Variants in GDF5 observed in about 807,000 individuals in gnomAD.
The protein encoded by GDF5 is growth/differentiation factor 5.
A neutral mutation model predicts 34.6 loss-of-function variants in GDF5; 17 were observed. The observed-to-expected ratio is 0.49, with a 90% confidence interval of 0.34 to 0.74. The LOEUF (loss-of-function observed/expected upper bound fraction) is 0.74. Ranked by LOEUF, GDF5 falls within the 30% of genes least tolerant of loss-of-function variation. GDF5 has a pLI of 0.01. For missense variants in GDF5, 616 were observed against 661.2 expected (o/e 0.93, Z 0.75); for synonymous variants, 332 against 290.7 (o/e 1.14, Z -1.44).
rs963454708 is a variant in GDF5, at chr20:35,433,785, G to A, written c.*124C>T. ...ACTCAGAGAGCGAGCAAGCTTATTG[G>A]AATCCCCTTTCACCCAAGCTGTGTA... is the stretch of plus-strand genomic sequence containing the variant. On this transcript the variant is annotated 3_prime_UTR_variant, in exon 2 of 2. Coordinates refer to ENST00000374369, the MANE Select transcript of GDF5 (RefSeq NM_000557.5). 2.3e-6 allele frequency: 2 copies of A among 859,940 alleles called. No individual in the cohort carries two copies. The highest frequency in any genetic ancestry group is 3.3e-5 in the African/African-American group (2 of 60,810). 53.3% of individuals were successfully genotyped at this position (859,940 alleles called of 1,614,324 possible). A position where few individuals can be genotyped will look rare whatever the true frequency, so the allele number is the denominator to read the frequency against.
chr20:35,437,822 T>C lies in GDF5; in HGVS notation c.107A>G (p.Gln36Arg). Residue 36 changes from glutamine (Q) to arginine (R), a missense_variant, in exon 1 of 2, where the codon CAG becomes CGG. Transcript: ENST00000374369. ...TTTGGCCAATCCTGGCCTGGTCCCC[T>C]GGGGTCTCTGGCCCAAGTCAGGGGC... The part of the protein sequence containing the change: ...LGAPDLGQRP[Q>R]GTRPGLAKAE... The C allele has an allele frequency of 6.2e-7, 1 of 1,613,784 alleles. No homozygotes were observed. The highest frequency in any genetic ancestry group is 8.5e-7 in the Non-Finnish European group (1 of 1,179,852).
At chr20:35,443,580 C>T (rs575465124) in intron 1 of GDF5, among the ~76,000 whole-genome samples, 15 of 152,110 alleles carry the variant, frequency 9.9e-5, no homozygotes, top group South Asian at 2.1e-4. Flanking sequence ...GGCATGATAT[C>T]GGCTCACTGC....
At chr20:35,451,371 T>C (rs1371328339) in intron 1 of GDF5, among the ~76,000 whole-genome samples, 3 of 151,844 alleles carry the variant, frequency 2.0e-5, no homozygotes, top group Non-Finnish European at 2.9e-5. Context: ...TTTCAACTCA[T>C]CCATTGCCTT....
In GDF5 at chr20:35,438,047, G is replaced by T; in HGVS notation, c.-119C>A. The T allele has an allele frequency of 8.7e-7, 1 of 1,155,470 alleles. No homozygotes were observed. Among genetic ancestry groups the T allele is most frequent in the Non-Finnish European group, 1.3e-6 (1 of 790,968 alleles). 71.6% of individuals were successfully genotyped at this position (1,155,470 alleles called of 1,614,324 possible). A position where few individuals can be genotyped will look rare whatever the true frequency, so the allele number is the denominator to read the frequency against. The stretch of plus-strand genomic sequence containing the variant: ...TTCAAAAGCAGCGGCAGCAGCAGTA[G>T]CAGCAGAAGGAAAGGCTTTCTCCTC... On this transcript the variant is annotated 5_prime_UTR_variant, in exon 1 of 2. Coordinates refer to ENST00000374369, the MANE Select transcript of GDF5 (RefSeq NM_000557.5).
chr20:35,438,549 C>G (rs1385009603), upstream of GDF5, among the ~76,000 whole-genome samples: 1 of 152,168 alleles, frequency 6.6e-6, no homozygotes, highest in Non-Finnish European at 1.5e-5. Flanking sequence ...CACCGCTGCC[C>G]TTTCGAGGCC....
chr20:35,451,050 A>ATATATATATATAT (rs1289781571), intron 1 of GDF5, among the ~76,000 whole-genome samples: 6,531 of 55,928 alleles, frequency 0.12, 1,172 homozygotes, highest in African/African-American at 0.15. Context: ...CAGAAAAAAA[A>ATATATATATATAT]AAAAAAAAAA....
chr20:35,437,212 A>G lies in GDF5; in HGVS notation c.631+86T>C, dbSNP rs1435237940. 4 of 965,236 alleles carry G rather than the reference A, an allele frequency of 4.1e-6. No homozygotes were observed. The African/African-American group carries it at 6.4e-5, about 15-fold the overall frequency. 59.8% of individuals were successfully genotyped at this position (965,236 alleles called of 1,614,324 possible). On this transcript the variant is annotated intron_variant, in intron 1 of 1. Transcript: ENST00000374369. The stretch of plus-strand genomic sequence containing the variant: ...CCAGATGCACACAGTGTCTCCCACC[A>G]GGGCAGTGCCAGGGCTTTGAAAGCC...
chr20:35,453,251 A>G (rs948020207), intron 1 of GDF5, among the ~76,000 whole-genome samples: 4 of 152,190 alleles, frequency 2.6e-5, no homozygotes. Context: ...CCCCGTCTCA[A>G]AAAGAAAAGA....
At chr20:35,443,568 A>G (rs2062504994) in intron 1 of GDF5, among the ~76,000 whole-genome samples, 1 of 151,846 alleles carries the variant, frequency 6.6e-6, no homozygotes, top group African/African-American at 2.4e-5. Context: ...CTGGAGTGCA[A>G]TGGCATGATA....
chr20:35,438,357 T>TCCACACACACACAC, upstream of GDF5: 1 of 89,232 alleles, frequency 1.1e-5, no homozygotes, highest in Non-Finnish European at 2.1e-5. Flanking sequence ...GTGAAAATAC[T>TCCACACACACACAC]TCACACACAC....
chr20:35,434,191 G>C lies in GDF5; in HGVS notation c.1224C>G (p.Asn408Lys), dbSNP rs747431325. ...AGTCGTCCCAGCCCATGTCCTTGAA[G>C]TTGACATGCAGTGCCTTCCGACTGC... ...ARCSRKALHV[N>K]FKDMGWDDWI... The change falls in exon 2 of 2, where the codon AAC becomes AAG. Residue 408 changes from asparagine (N) to lysine (K), a missense_variant. Coordinates refer to ENST00000374369, the MANE Select transcript of GDF5 (RefSeq NM_000557.5). The C allele has an allele frequency of 7.4e-6, 12 of 1,614,230 alleles. No homozygotes were observed. The highest frequency in any genetic ancestry group is 1.0e-5 in the Non-Finnish European group (12 of 1,180,046).
Position 35,434,611 on chromosome 20 carries a change from G to T in GDF5, c.804C>A (p.Cys268Ter). ...AGGCGGCCGGCTGCCGGCCGCTGGG[G>T]CAGCTGGACAGCTTCAGCTGGGCAG... is the stretch of plus-strand genomic sequence containing the variant. The part of the protein sequence containing the change: ...GRAAQLKLSS[C>*]PSGRQPAALL... Residue 268 changes from cysteine (C) to a stop codon, truncating the protein, a stop_gained, in exon 2 of 2, where the codon TGC becomes TGA. Transcript: ENST00000374369. LOFTEE classifies it high-confidence loss of function. 6.3e-7 allele frequency: 1 copy of T among 1,596,120 alleles called. No individual in the cohort carries two copies. The highest frequency in any genetic ancestry group is 8.6e-7 in the Non-Finnish European group (1 of 1,169,060).
chr20:35,438,016 T>C lies in GDF5; in HGVS notation c.-88A>G. On this transcript the variant is annotated 5_prime_UTR_variant, in exon 1 of 2. Transcript: ENST00000374369. ...TTGGCAGGAAAAACCATGAAAGGAG[T>C]GGACTTTCAAAAGCAGCGGCAGCAG... 6.7e-7 allele frequency: 1 copy of C among 1,484,342 alleles called. No individual in the cohort carries two copies. Among genetic ancestry groups the C allele is most frequent in the Non-Finnish European group, 9.3e-7 (1 of 1,076,126 alleles). 91.9% of individuals were successfully genotyped at this position (1,484,342 alleles called of 1,614,324 possible). A position where few individuals can be genotyped will look rare whatever the true frequency, so the allele number is the denominator to read the frequency against.
rs1432115434 is a variant in GDF5 at position 35,436,694 on chromosome 20, T to C, written c.631+604A>G. 3.9e-5 allele frequency among the ~76,000 whole-genome samples: 6 copies of C among 152,162 alleles called. No individual in the cohort carries two copies. In the East Asian group the frequency reaches 1.2e-3, roughly 29 times the overall value. On this transcript the variant is annotated intron_variant, in intron 1 of 1. Transcript: ENST00000374369. ...CACCCTGTCCAACCCCATATAGGTG[T>C]ACAGATGGGAAAACGGAGACCCCAA... is the stretch of plus-strand genomic sequence containing the variant.
upstream of GDF5, among the ~76,000 whole-genome samples, chr20:35,439,234 C>G (rs1042503435): frequency 3.1e-4 from 46 of 146,578 alleles, no homozygotes; most frequent in African/African-American, 1.1e-3. Flanking sequence ...TCCCACATGA[C>G]GCTTTTTTTT....
At position 35,437,437 on chromosome 20, in the gene GDF5, TG is replaced by T; in HGVS notation, c.491del (p.Pro164HisfsTer29). ...TGTACTCGTGGGGTGTGATGGGGGGTGGGCGAAACGGCTCCTTGGGCTCTCG... is the reference window on the plus strand; with the variant it reads ...TGTACTCGTGGGGTGTGATGGGGGGTGGCGAAACGGCTCCTTGGGCTCTCG... ...PPREPKEPFR[P>X]PPITPHEYML... On this transcript the variant is annotated frameshift_variant, in exon 1 of 2. Transcript: ENST00000374369. LOFTEE classifies it high-confidence loss of function. 6.2e-7 allele frequency: 1 copy of T among 1,612,824 alleles called. No homozygotes were observed. Among genetic ancestry groups the T allele is most frequent in the Non-Finnish European group, 8.5e-7 (1 of 1,179,548 alleles).
intron 1 of GDF5, 149 bp downstream of exon 1, chr20:35,437,149 T>G: frequency 3.4e-5 from 22 of 641,346 alleles, no homozygotes; most frequent in Non-Finnish European, 4.9e-5. Flanking sequence ...CTGCTATGTG[T>G]GAGATATGTG....
intron 1 of GDF5, among the ~76,000 whole-genome samples, chr20:35,443,860 A>C (rs2062505885): frequency 6.6e-6 from 1 of 152,134 alleles, no homozygotes; most frequent in South Asian, 2.1e-4. Context: ...ATGAGTAAAC[A>C]GTGAACTGAG....
Position 35,434,146 on chromosome 20 carries a change from C to G in GDF5, c.1269G>C (p.Glu423Asp). Reference protein sequence around the residue: ...GWDDWIIAPLEYEAFHCEGLC... With the variant: ...GWDDWIIAPLDYEAFHCEGLC... ...GCCCCTCGCAGTGGAAAGCCTCGTA[C>G]TCAAGGGGTGCGATGATCCAGTCGT... The change falls in exon 2 of 2, where the codon GAG becomes GAC. Residue 423 changes from glutamate to aspartate, a missense_variant. Physicochemically the swap from Glu to Asp is conservative, Grantham distance 45 (BLOSUM62 2). Coordinates refer to ENST00000374369, the MANE Select transcript of GDF5 (RefSeq NM_000557.5). 2 of 1,614,192 alleles carry G rather than the reference C, an allele frequency of 1.2e-6. No homozygotes were observed. Among genetic ancestry groups the G allele is most frequent in the East Asian group, 2.2e-5 (1 of 44,882 alleles).
Sources: gnomAD v4.1 joint callset for allele counts (sites outside exome capture counted in the v4.1 genomes callset) on GRCh38, gnomAD v4.1.1 for gene constraint, MANE v1.5 for transcripts, NCBI Gene and HGNC (gene_info 2026-07-23, HGNC 2026-07-21) for gene names.